Variants in HSF4 observed in about 807,000 individuals in gnomAD.
HSF4 encodes the protein heat shock transcription factor 4.
A neutral mutation model predicts 52.0 loss-of-function variants in HSF4; 41 were observed. The observed-to-expected ratio is 0.79, with a 90% CI of 0.61 to 1.02. The LOEUF (loss-of-function observed/expected upper bound fraction) is 1.02, where lower values mean the gene tolerates loss of function less well. Among genes scored for constraint, HSF4 ranks in the 50% least tolerant of loss-of-function variants. The pLI is 0.00. For missense variants in HSF4, 610 were observed against 651.1 expected (o/e 0.94, Z 0.69); for synonymous variants, 285 against 273.0 (o/e 1.04, Z -0.43).
In HSF4 at chr16:67,169,874, G is replaced by T. The variant is rs11642409; in HGVS notation, c.*89G>T. On this transcript the variant is annotated 3_prime_UTR_variant, in exon 13 of 13. Coordinates refer to ENST00000521374, the MANE Select transcript of HSF4 (RefSeq NM_001374675.1). The surrounding 1 kb of genome is among the most constrained non-coding windows in gnomAD (Gnocchi z 4.3). ...GCGCCCCCTATCGGGGGTGAGCGAA[G>T]CCCCCACTACTAAATGGCCTCTCTC... The T allele has an allele frequency of 7.0e-3, 9,785 of 1,399,744 alleles. 52 individuals carry two copies. The highest frequency in any genetic ancestry group is 8.1e-3 in the Non-Finnish European group (8,005 of 990,132). The allele number at this position is 1,399,744 out of a possible 1,614,324, so 86.7% of individuals were successfully genotyped here.
intron 7 of HSF4, 103 bp downstream of exon 7, chr16:67,167,325 T>G (rs1417972966): frequency 6.2e-7 from 1 of 1,609,190 alleles, no homozygotes; most frequent in Non-Finnish European, 8.5e-7. Context: ...GAAGCCAGCC[T>G]TCCCCCCAAC....
In HSF4 at chr16:67,165,769, G is replaced by C. The variant is rs371527905; in HGVS notation, c.283G>C (p.Glu95Gln). ...CGAGCAGGGCGGCCTGCTTAGGCCG[G>C]AGCGCGACCACGTCGAGTTCCAGCA... ...SIEQGGLLRP[E>Q]RDHVEFQHPS... Residue 95 changes from glutamate (E) to glutamine (Q), a missense_variant, in exon 3 of 13, where the codon GAG (glutamate) becomes CAG (glutamine). Coordinates refer to ENST00000521374, the MANE Select transcript of HSF4 (RefSeq NM_001374675.1). This position sits in a 1 kb window ranked among gnomAD's most constrained non-coding sequence, Gnocchi z 6.9. 12 of 1,610,610 alleles carry C rather than the reference G, an allele frequency of 7.5e-6. No individual in the cohort carries two copies. Among genetic ancestry groups the C allele is most frequent in the Admixed American group, 1.7e-5 (1 of 59,960 alleles).
chr16:67,168,896 AG>A lies in HSF4; in HGVS notation c.1149del (p.Gln383HisfsTer13), dbSNP rs2031517010. The A allele has an allele frequency of 6.2e-7, 1 of 1,614,082 alleles. No individual in the cohort carries two copies. Among genetic ancestry groups the A allele is most frequent in the Non-Finnish European group, 8.5e-7 (1 of 1,180,030 alleles). ...PESLLPPMLL[Q>X]PPQESVEPAG... ...AGTCTGCTGCCTCCGATGCTGCTTC[AG>A]CCCCCTCAAGAAAGTGTGGAACCTG... On this transcript the variant is annotated frameshift_variant, in exon 10 of 13. Transcript: ENST00000521374. LOFTEE classifies it high-confidence loss of function.
Position 67,169,792 on chromosome 16 carries a change from G to C in HSF4, c.*7G>C. On this transcript the variant is annotated 3_prime_UTR_variant, in exon 13 of 13. Transcript: ENST00000521374. The surrounding 1 kb of genome is among the most constrained non-coding windows in gnomAD (Gnocchi z 4.3). ...AGCCAGTCCCTCCCCCTAAGACCCCGCGCCTCTGAAGGGGCTTGGAACCAG... is the reference window on the plus strand; with the variant it reads ...AGCCAGTCCCTCCCCCTAAGACCCCCCGCCTCTGAAGGGGCTTGGAACCAG... The C allele has an allele frequency of 6.2e-7, 1 of 1,613,052 alleles. No individual in the cohort carries two copies. Among genetic ancestry groups the C allele is most frequent in the Non-Finnish European group, 8.5e-7 (1 of 1,179,980 alleles).
At chr16:67,167,363 A>T in intron 7 of HSF4, 112 bp from the exon 8 acceptor site, 1 of 1,610,746 alleles carries the variant, frequency 6.2e-7, no homozygotes, top group Non-Finnish European at 8.5e-7. Flanking sequence ...GCATGGACTG[A>T]GCCTCCTCCC....
intron 9 of HSF4, among the ~76,000 whole-genome samples, chr16:67,168,516 A>G (rs530842634): frequency 1.6e-4 from 25 of 151,728 alleles, no homozygotes; most frequent in Non-Finnish European, 2.5e-4. Flanking sequence ...GAGAGAGAGA[A>G]AGAAAAAAGA....
rs372883466 is a variant in HSF4, at chr16:67,165,489, G to T, written c.124-33G>T. On this transcript the variant is annotated intron_variant, in intron 1 of 12. Transcript: ENST00000521374. The surrounding 1 kb of genome is among the most constrained non-coding windows in gnomAD (Gnocchi z 6.9). Reference sequence around the variant, plus strand: ...GGCACCGCTCACCCTCCTGGTCTCCGCCCGCACGGTGGGCGGGCGGCGTTC... The same window carrying T: ...GGCACCGCTCACCCTCCTGGTCTCCTCCCGCACGGTGGGCGGGCGGCGTTC... 2.5e-6 allele frequency: 4 copies of T among 1,598,800 alleles called. No individual in the cohort carries two copies. Among genetic ancestry groups the T allele is most frequent in the Non-Finnish European group, 2.6e-6 (3 of 1,167,822 alleles).
Position 67,165,454 on chromosome 16 carries a change from G to A in HSF4, c.124-68G>A. ...GTGCGCGCGCTGGAGCGCAGGACTGGCCGTGAGCGGGCACCGCTCACCCTC... is the reference window on the plus strand; with the variant it reads ...GTGCGCGCGCTGGAGCGCAGGACTGACCGTGAGCGGGCACCGCTCACCCTC... On this transcript the variant is annotated intron_variant, in intron 1 of 12. Coordinates refer to ENST00000521374, the MANE Select transcript of HSF4 (RefSeq NM_001374675.1). This position sits in a 1 kb window ranked among gnomAD's most constrained non-coding sequence, Gnocchi z 6.9. 1 of 1,396,828 alleles carries A rather than the reference G, an allele frequency of 7.2e-7. No homozygotes were observed. Among genetic ancestry groups the A allele is most frequent in the East Asian group, 2.3e-5 (1 of 43,840 alleles). The allele number at this position is 1,396,828 out of a possible 1,614,324, so 86.5% of individuals were successfully genotyped here.
Position 67,164,847 on chromosome 16 carries a change from A to G in HSF4, c.36A>G (p.Pro12=). Residue 12 remains proline (P), a synonymous_variant, in exon 1 of 13, where the codon CCA becomes CCG. Transcript: ENST00000521374. ...CGCCAGCTGCGCTGCCCACGGAGCC[A>G]GGCCCCAGCCCCGTGCCTGCCTTCC... is the stretch of plus-strand genomic sequence containing the variant. ...QEAPAALPTE[P]GPSPVPAFLG... 1 of 1,604,848 alleles carries G rather than the reference A, an allele frequency of 6.2e-7. No individual in the cohort carries two copies. The highest frequency in any genetic ancestry group is 8.5e-7 in the Non-Finnish European group (1 of 1,178,658).
rs1418211778 is a variant in HSF4 at position 67,169,808 on chromosome 16, T to C, written c.*23T>C. ...TAAGACCCCGCGCCTCTGAAGGGGC[T>C]TGGAACCAGTCCGCCGCTGCACATC... On this transcript the variant is annotated 3_prime_UTR_variant, in exon 13 of 13. Transcript: ENST00000521374. This position sits in a 1 kb window ranked among gnomAD's most constrained non-coding sequence, Gnocchi z 4.3. 1 of 1,612,692 alleles carries C rather than the reference T, an allele frequency of 6.2e-7. No homozygotes were observed.
In HSF4 at chr16:67,164,831, C is replaced by T. The variant is rs751593837; in HGVS notation, c.20C>T (p.Ala7Val). Residue 7 changes from alanine (A) to valine (V), a missense_variant, in exon 1 of 13, where the codon GCG becomes GTG. Coordinates refer to ENST00000521374, the MANE Select transcript of HSF4 (RefSeq NM_001374675.1). Reference sequence around the variant, plus strand: ...TGCACCATGCAGGAAGCGCCAGCTGCGCTGCCCACGGAGCCAGGCCCCAGC... The same window carrying T: ...TGCACCATGCAGGAAGCGCCAGCTGTGCTGCCCACGGAGCCAGGCCCCAGC... MQEAPA[A>V]LPTEPGPSPV... 5 of 1,602,296 alleles carry T rather than the reference C, an allele frequency of 3.1e-6. No individual in the cohort carries two copies. The highest frequency in any genetic ancestry group is 4.5e-5 in the East Asian group (2 of 44,730).
At chr16:67,167,691 G>A in intron 8 of HSF4, 29 bp from the exon 9 acceptor site, 1 of 1,612,008 alleles carries the variant, frequency 6.2e-7, no homozygotes, top group South Asian at 1.1e-5. Flanking sequence ...TCAGTGCCAG[G>A]GTCTGGTTGA....
rs1336923341 is a variant in HSF4, at chr16:67,165,839, G to A, written c.353G>A (p.Arg118Gln). Residue 118 changes from arginine to glutamine, a missense_variant, in exon 3 of 13, where the codon CGG (arginine) becomes CAG (glutamine). By Grantham distance (43) the Arg-to-Gln change is conservative. Coordinates refer to ENST00000521374, the MANE Select transcript of HSF4 (RefSeq NM_001374675.1). The surrounding 1 kb of genome is among the most constrained non-coding windows in gnomAD (Gnocchi z 6.9). ...RGREQLLERVRRKVPALRGDD... is the reference protein window; with the variant it reads ...RGREQLLERVQRKVPALRGDD... ...CGCGAGCAGCTACTGGAGCGCGTGC[G>A]GCGCAAGGTGGGGGCGGCCTGCGGG... The A allele has an allele frequency of 6.2e-7, 1 of 1,603,894 alleles. No homozygotes were observed. The highest frequency in any genetic ancestry group is 8.5e-7 in the Non-Finnish European group (1 of 1,178,968).
Position 67,167,811 on chromosome 16 carries a change from T to G in HSF4, c.946T>G (p.Phe316Val). 6.3e-7 allele frequency: 1 copy of G among 1,595,676 alleles called. No homozygotes were observed. ...GLALAPNECD[F>V]CVTAPPPLPV... The stretch of plus-strand genomic sequence containing the variant: ...GGCCCTGGCCCCAAACGAGTGTGAC[T>G]TCTGCGTGACAGCCCCCCCGCCACT... The change falls in exon 9 of 13, where the codon TTC becomes GTC. Residue 316 changes from phenylalanine (F) to valine (V), a missense_variant. Transcript: ENST00000521374.
In HSF4 at chr16:67,165,096, C is replaced by T; in HGVS notation, c.123+162C>T. ...GAGGGGGTGTGCGAGAGGGGGGTTTCCTCTGCGGCCGAAGAAGGGTTAGGA... is the reference window on the plus strand; with the variant it reads ...GAGGGGGTGTGCGAGAGGGGGGTTTTCTCTGCGGCCGAAGAAGGGTTAGGA... On this transcript the variant is annotated intron_variant, in intron 1 of 12. Coordinates refer to ENST00000521374, the MANE Select transcript of HSF4 (RefSeq NM_001374675.1). The surrounding 1 kb of genome is among the most constrained non-coding windows in gnomAD (Gnocchi z 6.9). 1 of 783,978 alleles carries T rather than the reference C, an allele frequency of 1.3e-6. No individual in the cohort carries two copies. The allele number at this position is 783,978 out of a possible 1,614,324, so 48.6% of individuals were successfully genotyped here.
rs2031411605 is a variant in HSF4 at position 67,167,742 on chromosome 16, AAAG to A, written c.882_884del (p.Glu295del). On this transcript the variant is annotated inframe_deletion, in exon 9 of 13. Transcript: ENST00000521374. ...CAGGGAGAAGGGCCTGGCACTGCTC[AAAG>A]AAGAGCCGGCCAGTCCAGGGGGGGA... 31 of 1,607,690 alleles carry A rather than the reference AAAG, an allele frequency of 1.9e-5. No individual in the cohort carries two copies. Among genetic ancestry groups the A allele is most frequent in the Non-Finnish European group, 2.6e-5 (31 of 1,177,568 alleles).
chr16:67,167,762 A>C lies in HSF4; in HGVS notation c.897A>C (p.Pro299=), dbSNP rs981017201. 1.2e-6 allele frequency: 2 copies of C among 1,605,716 alleles called. No homozygotes were observed. Among genetic ancestry groups the C allele is most frequent in the Non-Finnish European group, 1.7e-6 (2 of 1,176,566 alleles). Residue 299 remains proline, a synonymous_variant, in exon 9 of 13, where the codon CCA becomes CCC. Transcript: ENST00000521374. The stretch of plus-strand genomic sequence containing the variant: ...TGCTCAAAGAAGAGCCGGCCAGTCC[A>C]GGGGGGGATGGCGAGGCCGGGCTGG... ...LALLKEEPAS[P]GGDGEAGLAL...
upstream of HSF4, chr16:67,164,262 T>C (rs890961901): frequency 1.9e-5 from 8 of 411,474 alleles, no homozygotes; most frequent in Non-Finnish European, 3.3e-5. Context: ...CCGGCAGAGG[T>C]TGGGTTTCCT....
In HSF4 at chr16:67,164,774, G is replaced by A; in HGVS notation, c.-38G>A. On this transcript the variant is annotated 5_prime_UTR_variant, in exon 1 of 13. Transcript: ENST00000521374. ...TCCGCGGCTTTGACGAGCCCGCAGCGGCCGGGCCCGAGCGCAGAGCCGGGC... is the reference window on the plus strand; with the variant it reads ...TCCGCGGCTTTGACGAGCCCGCAGCAGCCGGGCCCGAGCGCAGAGCCGGGC... The A allele has an allele frequency of 6.4e-7, 1 of 1,570,474 alleles. No homozygotes were observed. The highest frequency in any genetic ancestry group is 1.4e-5 in the African/African-American group (1 of 72,422).
Sources: gnomAD v4.1 joint callset for allele counts (sites outside exome capture counted in the v4.1 genomes callset) on GRCh38, gnomAD v4.1.1 for gene constraint, Gnocchi (gnomAD v3.1) non-coding constraint, MANE v1.5 for transcripts, NCBI Gene and HGNC (gene_info 2026-07-23, HGNC 2026-07-21) for gene names.